PDE4D: variants seen among roughly 807,000 people sequenced by gnomAD.
The protein encoded by PDE4D is 3',5'-cyclic-AMP phosphodiesterase 4D.
Under a neutral mutation model 87.4 loss-of-function variants are expected in PDE4D, and 24 were observed. The observed-to-expected ratio is 0.27, with a 90% CI of 0.20 to 0.39. The LOEUF is 0.39. Ranked by LOEUF, PDE4D falls within the 10% of genes least tolerant of loss-of-function variation. PDE4D has a pLI of 1.00. For synonymous variants in PDE4D, 384 were observed against 383.2 expected (o/e 1.00, Z -0.02); for missense variants, 714 against 1,041.0 (o/e 0.69, Z 4.32).
At chr5:60,294,706 T>C (rs892844784) in intron 1 of PDE4D, among the ~76,000 whole-genome samples, 1 of 152,156 alleles carries the variant, frequency 6.6e-6, no homozygotes, top group African/African-American at 2.4e-5. Context: ...TTTTATTTCC[T>C]TCATTTATTT....
At chr5:59,282,367 G>A (rs1765978172) in intron 1 of PDE4D, among the ~76,000 whole-genome samples, 3 of 151,972 alleles carry the variant, frequency 2.0e-5, no homozygotes, top group South Asian at 2.1e-4. Flanking sequence ...GAGGCTGCGC[G>A]CGGTGGCTCA....
intron 1 of PDE4D, chr5:60,335,152 A>C (rs1757635658): frequency 6.6e-6 from 1 of 152,254 alleles, no homozygotes. Context: ...AAAGGAAGCC[A>C]GACACTAGTT....
chr5:59,453,751 C>A (rs1329494438), intron 1 of PDE4D, among the ~76,000 whole-genome samples: 1 of 152,164 alleles, frequency 6.6e-6, no homozygotes, highest in Non-Finnish European at 1.5e-5. Context: ...CTCCACAACA[C>A]AAAAATGCAA....
chr5:59,103,705 C>A (rs1771131748), intron 5 of PDE4D, among the ~76,000 whole-genome samples: 1 of 152,142 alleles, frequency 6.6e-6, no homozygotes, highest in African/African-American at 2.4e-5. Context: ...GACCTTTGAG[C>A]TACATAATCA....
intron 1 of PDE4D, chr5:59,703,799 CA>C (rs1437069475): frequency 3.6e-6 from 1 of 276,302 alleles, no homozygotes; most frequent in Non-Finnish European, 7.6e-6. Context: ...CTTGAAGCAA[CA>C]TACATACATT....
chr5:60,423,510 C>A (rs915979757), intron 1 of PDE4D, among the ~76,000 whole-genome samples: 1 of 151,950 alleles, frequency 6.6e-6, no homozygotes, highest in Non-Finnish European at 1.5e-5. Flanking sequence ...AACAAAGACA[C>A]AACATACCAG....
At chr5:60,094,588 CTTTTTTTTTTTT>C (rs3087200) in intron 2 of PDE4D, among the ~76,000 whole-genome samples, 35 of 58,180 alleles carry the variant, frequency 6.0e-4, no homozygotes, top group Non-Finnish European at 8.5e-4. Flanking sequence ...GAGTGACATG[CTTTTTTTTTTTT>C]TTTTTTTTTT....
rs1778590907 is a variant in PDE4D, at chr5:60,120,653, G to GAGTATTGC, written c.42+64896_42+64903dup. On this transcript the variant is annotated intron_variant, in intron 2 of 16. Transcript: ENST00000502484. ...CCATAAAGCTGTCCAGTTCCTAAGA[G>GAGTATTGC]AGTATTGCAGCCCTGCTCATGTATT... 2.0e-5 allele frequency among the ~76,000 whole-genome samples: 3 copies of GAGTATTGC among 152,290 alleles called. No individual in the cohort carries two copies. In the South Asian group the frequency reaches 6.2e-4, roughly 32 times the overall value.
chr5:60,411,800 C>T (rs753238346), intron 1 of PDE4D, among the ~76,000 whole-genome samples: 8 of 152,042 alleles, frequency 5.3e-5, no homozygotes, highest in Non-Finnish European at 1.0e-4. Flanking sequence ...AAGCTATGAT[C>T]CAATGGTGTT....
intron 1 of PDE4D, among the ~76,000 whole-genome samples, chr5:60,485,780 C>T (rs1749090126): frequency 6.6e-6 from 1 of 152,178 alleles, no homozygotes; most frequent in South Asian, 2.1e-4. Flanking sequence ...CACCTCTAGA[C>T]TCCATTTCTT....
At chr5:60,361,854 A>T (rs1760106207) in intron 1 of PDE4D, among the ~76,000 whole-genome samples, 1 of 152,200 alleles carries the variant, frequency 6.6e-6, no homozygotes, top group East Asian at 1.9e-4. Context: ...TCACAGTCGC[A>T]CATCTTAGTC....
intron 1 of PDE4D, among the ~76,000 whole-genome samples, chr5:60,236,045 A>T (rs1320535195): frequency 2.0e-5 from 3 of 151,944 alleles, no homozygotes; most frequent in African/African-American, 7.2e-5. Context: ...ATTCACAGAC[A>T]AATTAAATAG....
chr5:59,798,228 A>ATC (rs60239831), intron 1 of PDE4D, among the ~76,000 whole-genome samples: 6 of 145,744 alleles, frequency 4.1e-5, no homozygotes, highest in East Asian at 4.1e-4. Context: ...ACAAGTCTCC[A>ATC]TCTCTCTCTC....
intron 2 of PDE4D, among the ~76,000 whole-genome samples, chr5:60,177,682 T>C (rs1784040434): frequency 6.6e-6 from 1 of 152,200 alleles, no homozygotes; most frequent in African/African-American, 2.4e-5. Context: ...TTATTGAGCC[T>C]GTTCTAAGAA....
intron 3 of PDE4D, chr5:59,987,088 A>G (rs1398035575): frequency 6.6e-6 from 1 of 152,188 alleles, no homozygotes; most frequent in African/African-American, 2.4e-5. Flanking sequence ...GAATATGACT[A>G]TTTGCTGAAT....
intron 5 of PDE4D, among the ~76,000 whole-genome samples, chr5:59,121,973 CT>C (rs1186551063): frequency 1.3e-5 from 2 of 151,888 alleles, no homozygotes; most frequent in African/African-American, 4.8e-5. Flanking sequence ...GAAACCCCAT[CT>C]CTTCTTAAAA....
chr5:59,769,289 A>G (rs982471782), intron 1 of PDE4D, among the ~76,000 whole-genome samples: 1 of 152,200 alleles, frequency 6.6e-6, no homozygotes, highest in African/African-American at 2.4e-5. Context: ...GTTGTGTTCT[A>G]CAACCTTATT....
At chr5:59,762,343 CATATGCATAT>C (rs1250345376) in intron 1 of PDE4D, among the ~76,000 whole-genome samples, 10 of 129,236 alleles carry the variant, frequency 7.7e-5, no homozygotes, top group Non-Finnish European at 1.3e-4. Flanking sequence ...TATGGGTACA[CATATGCATAT>C]ATGTGTATAT....
At chr5:60,068,216 T>G (rs570686044) in intron 2 of PDE4D, among the ~76,000 whole-genome samples, 8 of 152,312 alleles carry the variant, frequency 5.3e-5, no homozygotes, top group Non-Finnish European at 8.8e-5. Context: ...CTGTACATCC[T>G]CGTCAACACT....
Sources: allele counts gnomAD v4.1 joint callset (sites outside exome capture counted in the v4.1 genomes callset), GRCh38; gene constraint gnomAD v4.1.1; transcripts MANE v1.5; gene names NCBI Gene and HGNC (gene_info 2026-07-23, HGNC 2026-07-21).